VPS41: variants seen among roughly 807,000 people sequenced by gnomAD.
VPS41 encodes the protein vacuolar protein sorting-associated protein 41 homolog.
VPS41 carries 85 observed loss-of-function variants against 130.9 expected under a neutral mutation model. That is an observed-to-expected ratio of 0.65 (90% CI 0.55 to 0.78). The LOEUF (loss-of-function observed/expected upper bound fraction) is 0.78. Ranked by LOEUF, VPS41 falls within the 30% of genes least tolerant of loss-of-function variation. The pLI is 0.00. For missense variants in VPS41, 874 were observed against 1,018.7 expected, an observed-to-expected ratio of 0.86 and a Z score of 1.93; for synonymous variants, 335 against 332.9, an observed-to-expected ratio of 1.01 and a Z score of -0.07.
At position 38,776,699 on chromosome 7, in the gene VPS41, T is replaced by C; in HGVS notation, c.862A>G (p.Lys288Glu). Residue 288 changes from lysine (K) to glutamate (E), a missense_variant, in exon 11 of 29, where the codon AAG becomes GAG. Transcript: ENST00000310301. ...CDQLVVLSYV[K>E]EISEKTEREY... ...ATTACCGTTTTTTCTGAAATCTCCTTTACATACGAAAGTACAACAAGCTGA... is the reference window on the plus strand; with the variant it reads ...ATTACCGTTTTTTCTGAAATCTCCTCTACATACGAAAGTACAACAAGCTGA... 6.2e-7 allele frequency: 1 copy of C among 1,608,294 alleles called. No homozygotes were observed. Among genetic ancestry groups the C allele is most frequent in the Non-Finnish European group, 8.5e-7 (1 of 1,175,016 alleles).
rs1584354835 is a variant in VPS41, at chr7:38,723,341, T to C, written c.*2905A>G. The C allele has an allele frequency of 1.3e-5, 2 of 152,334 alleles. No individual in the cohort carries two copies. The highest frequency in any genetic ancestry group is 4.8e-5 in the African/African-American group (2 of 41,570). 9.4% of individuals were successfully genotyped at this position (152,334 alleles called of 1,614,324 possible). ...CAAAAATTCTCAAGGATGAACATAA[T>C]TAAACCAGTATGAAATCCCTTTGGC... On this transcript the variant is annotated 3_prime_UTR_variant, in exon 29 of 29. Coordinates refer to ENST00000310301, the MANE Select transcript of VPS41 (RefSeq NM_014396.4).
intron 1 of VPS41, among the ~76,000 whole-genome samples, chr7:38,901,136 G>C (rs961745641): frequency 6.6e-6 from 1 of 151,982 alleles, no homozygotes; most frequent in African/African-American, 2.4e-5. Flanking sequence ...AGACACAAAA[G>C]GACAAATATT....
rs750157712 is a variant in VPS41, at chr7:38,763,473, A to G, written c.1404T>C (p.Phe468=). ...PLIYEMILHE[F]LESDYEGFAT... ...ACCATACCTCATAATCACTCTCCAA[A>G]AATTCATGTAAGATCATTTCATAGA... is the stretch of plus-strand genomic sequence containing the variant. The change falls in exon 17 of 29, where the codon TTT becomes TTC. Residue 468 remains phenylalanine (F), a synonymous_variant. Coordinates refer to ENST00000310301, the MANE Select transcript of VPS41 (RefSeq NM_014396.4). 1 of 1,606,084 alleles carries G rather than the reference A, an allele frequency of 6.2e-7. No homozygotes were observed. The highest frequency in any genetic ancestry group is 2.3e-5 in the East Asian group (1 of 44,416).
At position 38,854,852 on chromosome 7, in the gene VPS41, A is replaced by G. The variant is rs73125999; in HGVS notation, c.246+7693T>C. Among the ~76,000 whole-genome samples, 215 of 40,938 alleles carry G rather than the reference A, an allele frequency of 5.3e-3. 3 individuals are homozygous for G. The highest frequency in any genetic ancestry group is 0.015 in the Middle Eastern group (1 of 68). The allele number at this position is 40,938 out of a possible 152,430, so 26.9% of individuals were successfully genotyped here. On this transcript the variant is annotated intron_variant, in intron 4 of 28. Transcript: ENST00000310301. ...AGTACCGTACGTTCAAGAAGTGGAG[A>G]AAAAAAAAAAAAGCAAAGTGGAGGT...
intron 2 of VPS41, among the ~76,000 whole-genome samples, chr7:38,873,493 ACAACC>A (rs1786419516): frequency 6.6e-6 from 1 of 152,170 alleles, no homozygotes; most frequent in Non-Finnish European, 1.5e-5. Context: ...TCCACGGTAA[ACAACC>A]CAGTGTTAAT....
chr7:38,834,737 C>T (rs1440835351), intron 4 of VPS41, among the ~76,000 whole-genome samples: 2 of 151,824 alleles, frequency 1.3e-5, no homozygotes, highest in African/African-American at 2.4e-5. Context: ...TGTCTGAGAT[C>T]GACATCTTTA....
rs565660681 is a variant in VPS41 at position 38,883,008 on chromosome 7, C to T, written c.61-13755G>A. Among the ~76,000 whole-genome samples, 5 of 152,172 alleles carry T rather than the reference C, an allele frequency of 3.3e-5. No homozygotes were observed. The East Asian group carries it at 7.7e-4, about 24-fold the overall frequency. ...CTGTAATCCCAGCACTTTGGGAGGC[C>T]GAGGCAGATGGATTACTTGAGGTCA... On this transcript the variant is annotated intron_variant, in intron 2 of 28. Transcript: ENST00000310301.
intron 8 of VPS41, among the ~76,000 whole-genome samples, chr7:38,795,831 A>G (rs1031010544): frequency 2.0e-5 from 3 of 152,242 alleles, no homozygotes; most frequent in Non-Finnish European, 4.4e-5. Context: ...AGATTTTCTT[A>G]GATGGCATGG....
chr7:38,844,811 A>G (rs984899967), intron 4 of VPS41, among the ~76,000 whole-genome samples: 28 of 152,206 alleles, frequency 1.8e-4, no homozygotes, highest in African/African-American at 6.3e-4. Context: ...GAAAATGACC[A>G]TTTGCAACTT....
chr7:38,814,861 G>A (rs1052063493), intron 7 of VPS41, among the ~76,000 whole-genome samples: 3 of 152,074 alleles, frequency 2.0e-5, no homozygotes, highest in African/African-American at 7.2e-5. Context: ...ACATGCTAGG[G>A]AAATATTTAA....
intron 4 of VPS41, among the ~76,000 whole-genome samples, chr7:38,860,545 G>A (rs1786083140): frequency 6.6e-6 from 1 of 152,056 alleles, no homozygotes; most frequent in Admixed American, 6.6e-5. Flanking sequence ...TTTGGGTCTG[G>A]CTTCTTTGGC....
At chr7:38,876,425 T>G (rs1786492205) in intron 2 of VPS41, among the ~76,000 whole-genome samples, 1 of 152,114 alleles carries the variant, frequency 6.6e-6, no homozygotes. Context: ...ATGAGAAGAA[T>G]AAACACCAAT....
intron 2 of VPS41, among the ~76,000 whole-genome samples, chr7:38,873,115 C>T (rs928686661): frequency 6.6e-6 from 1 of 152,126 alleles, no homozygotes; most frequent in Non-Finnish European, 1.5e-5. Flanking sequence ...CATAAATATA[C>T]AAAAATAAAT....
intron 25 of VPS41, among the ~76,000 whole-genome samples, chr7:38,734,991 C>T (rs530306652): frequency 1.6e-4 from 24 of 152,138 alleles, no homozygotes; most frequent in Admixed American, 4.6e-4. Context: ...CAGAGAAATA[C>T]GAAGGGAAAG....
chr7:38,726,288 C>G lies in VPS41; in HGVS notation c.2523G>C (p.Lys841Asn), dbSNP rs1367678037. The change falls in exon 29 of 29, where the codon AAG (lysine) becomes AAC (asparagine). Residue 841 changes from lysine (K) to asparagine (N), a missense_variant. Physicochemically the swap from Lys to Asn is moderately conservative, Grantham distance 94. Coordinates refer to ENST00000310301, the MANE Select transcript of VPS41 (RefSeq NM_014396.4). ...AAQFCNICSAKNRGPGSAILE... is the reference protein window; with the variant it reads ...AAQFCNICSANNRGPGSAILE... ...AAATTGCACTTCCTGGTCCACGGTT[C>G]TTAGCACTGCAGATGTTGCAGAACT... is the stretch of plus-strand genomic sequence containing the variant. The G allele has an allele frequency of 1.9e-6, 3 of 1,614,034 alleles. No homozygotes were observed. The South Asian group carries it at 3.3e-5, about 18-fold the overall frequency.
chr7:38,869,204 T>C lies in VPS41; in HGVS notation c.110A>G (p.Asn37Ser), dbSNP rs762363719. 1.3e-5 allele frequency: 21 copies of C among 1,612,910 alleles called. 1 individual carries two copies. Among genetic ancestry groups the C allele is most frequent in the Middle Eastern group, 1.7e-4 (1 of 6,056 alleles). The stretch of plus-strand genomic sequence containing the variant: ...CTTCTGAAGTATTTCAGTTACCCCA[T>C]TGGAAAGCCTTTCATACTTCAGCTT... ...EPKLKYERLS[N>S]GVTEILQKDA... Residue 37 changes from asparagine to serine, a missense_variant, in exon 3 of 29, where the codon AAT (asparagine) becomes AGT (serine). Coordinates refer to ENST00000310301, the MANE Select transcript of VPS41 (RefSeq NM_014396.4).
chr7:38,891,659 C>T (rs1423826379), intron 2 of VPS41, among the ~76,000 whole-genome samples: 1 of 152,136 alleles, frequency 6.6e-6, no homozygotes, highest in African/African-American at 2.4e-5. Context: ...TTCTTAATGG[C>T]ATTTTTATAA....
intron 3 of VPS41, among the ~76,000 whole-genome samples, chr7:38,867,589 T>C (rs1786257887): frequency 1.3e-5 from 2 of 151,808 alleles, no homozygotes; most frequent in South Asian, 4.2e-4. Context: ...GAAAATCTCC[T>C]GTGGGTAAGA....
chr7:38,793,775 A>G (rs1385983652), intron 9 of VPS41, among the ~76,000 whole-genome samples: 2 of 151,588 alleles, frequency 1.3e-5, no homozygotes, highest in African/African-American at 4.9e-5. Flanking sequence ...TTCACTGACC[A>G]CCTCACTCCA....
Sources: allele counts gnomAD v4.1 joint callset (sites outside exome capture counted in the v4.1 genomes callset), GRCh38; gene constraint gnomAD v4.1.1; transcripts MANE v1.5; gene names NCBI Gene and HGNC (gene_info 2026-07-23, HGNC 2026-07-21).